ATP12A: variants seen among roughly 807,000 people sequenced by gnomAD.
ATP12A encodes the protein ATPase H+/K+ transporting non-gastric alpha2 subunit.
In ATP12A, 81 loss-of-function variants were observed where a neutral mutation model predicts 111.2. That is an observed-to-expected ratio of 0.73 (90% CI 0.61 to 0.88). The LOEUF is 0.88. Among genes scored for constraint, ATP12A ranks in the 40% least tolerant of loss-of-function variants. ATP12A has a pLI of 0.00. For missense variants in ATP12A, 1,196 were observed against 1,313.1 expected (o/e 0.91, Z 1.38); for synonymous variants, 498 against 499.8 (o/e 1.00, Z 0.05).
chr13:24,693,839 T>A (rs1317591678), intron 10 of ATP12A, among the ~76,000 whole-genome samples: 1 of 152,272 alleles, frequency 6.6e-6, no homozygotes, highest in Non-Finnish European at 1.5e-5. Context: ...TTAGTATTTG[T>A]CAGCAGTACC....
chr13:24,692,723 G>T, intron 9 of ATP12A, 64 bp from the exon 10 acceptor site: 1 of 1,599,656 alleles, frequency 6.3e-7, no homozygotes, highest in South Asian at 1.1e-5. Context: ...GAGGATTGCT[G>T]GACAGTGACT....
intron 14 of ATP12A, among the ~76,000 whole-genome samples, chr13:24,705,233 C>G (rs1489167482): frequency 6.6e-6 from 1 of 152,148 alleles, no homozygotes; most frequent in Non-Finnish European, 1.5e-5. Context: ...GATGCCCATT[C>G]CTGGTCAGGG....
At chr13:24,688,148 A>G (rs17081002) in intron 3 of ATP12A, among the ~76,000 whole-genome samples, 171 bp from the exon 4 acceptor site, 6,478 of 152,252 alleles carry the variant, frequency 0.043, 249 homozygotes, top group East Asian at 0.18. Context: ...TCTTTCAAAA[A>G]AGCTGGGCAG....
intron 3 of ATP12A, among the ~76,000 whole-genome samples, chr13:24,686,820 T>C (rs1032813157): frequency 6.6e-6 from 1 of 151,996 alleles, no homozygotes; most frequent in Non-Finnish European, 1.5e-5. Flanking sequence ...CCAGCAGGAC[T>C]TGCGGGGATT....
chr13:24,692,907 T>G lies in ATP12A; in HGVS notation c.1377+11T>G. On this transcript the variant is annotated intron_variant, in intron 10 of 22. Transcript: ENST00000381946. ...GTCCCCATCATGAAGGTAATGCTTCTGCAGCACTTGGTCTTAAATCACAGC... is the reference window on the plus strand; with the variant it reads ...GTCCCCATCATGAAGGTAATGCTTCGGCAGCACTTGGTCTTAAATCACAGC... 1 of 1,609,590 alleles carries G rather than the reference T, an allele frequency of 6.2e-7. No individual in the cohort carries two copies. The highest frequency in any genetic ancestry group is 8.5e-7 in the Non-Finnish European group (1 of 1,175,920).
chr13:24,688,621 G>A, intron 4 of ATP12A, 99 bp downstream of exon 4: 1 of 1,180,160 alleles, frequency 8.5e-7, no homozygotes, highest in Non-Finnish European at 1.1e-6. Flanking sequence ...CCTAGGTGTG[G>A]GAAAGTCAGG....
chr13:24,685,334 T>C lies in ATP12A; in HGVS notation c.189T>C (p.Asn63=), dbSNP rs778031617. The change falls in exon 3 of 23, where the codon AAT becomes AAC. Residue 63 remains asparagine, a synonymous_variant. Coordinates refer to ENST00000381946, the MANE Select transcript of ATP12A (RefSeq NM_001676.7). This position sits in a 1 kb window ranked among gnomAD's most constrained non-coding sequence, Gnocchi z 5.5. Reference sequence around the variant, plus strand: ...TTCAGGATGACCACAAACTCAGCAATAGGGAATTGGAAGAGAAATATGGCA... The same window carrying C: ...TTCAGGATGACCACAAACTCAGCAACAGGGAATTGGAAGAGAAATATGGCA... ...ELHLDDHKLS[N]RELEEKYGTD... is the part of the protein sequence containing the mutation. 2 of 1,613,834 alleles carry C rather than the reference T, an allele frequency of 1.2e-6. No individual in the cohort carries two copies. The highest frequency in any genetic ancestry group is 1.7e-6 in the Non-Finnish European group (2 of 1,179,952).
At chr13:24,698,516 A>T in intron 11 of ATP12A, 142 bp from the exon 12 acceptor site, 1 of 929,810 alleles carries the variant, frequency 1.1e-6, no homozygotes, top group Non-Finnish European at 1.6e-6. Flanking sequence ...TCTTCGTCTT[A>T]CTTGGCCACA....
At chr13:24,688,731 A>AG (rs1035704797) in intron 4 of ATP12A, among the ~76,000 whole-genome samples, 1 of 152,176 alleles carries the variant, frequency 6.6e-6, no homozygotes, top group African/African-American at 2.4e-5. Flanking sequence ...TGAATTTTTA[A>AG]GGGGGAGAAA....
At chr13:24,695,279 G>A (rs574751006) in intron 11 of ATP12A, among the ~76,000 whole-genome samples, 5 of 152,228 alleles carry the variant, frequency 3.3e-5, no homozygotes, top group Non-Finnish European at 4.4e-5. Context: ...GTTTTCTGGG[G>A]CCAGCCCCTG....
chr13:24,709,591 T>C, intron 18 of ATP12A, 92 bp from the exon 19 acceptor site: 2 of 1,593,382 alleles, frequency 1.3e-6, no homozygotes, highest in Non-Finnish European at 1.7e-6. Context: ...GGGGCCTGGG[T>C]TGGGGAGGGA....
chr13:24,701,132 G>A lies in ATP12A; in HGVS notation c.1881+210G>A, dbSNP rs185280856. Among the ~76,000 whole-genome samples the A allele has an allele frequency of 2.0e-5, 3 of 152,290 alleles. No homozygotes were observed. In the East Asian group the frequency reaches 5.8e-4, roughly 29 times the overall value. On this transcript the variant is annotated intron_variant, in intron 13 of 22. Transcript: ENST00000381946. The stretch of plus-strand genomic sequence containing the variant: ...CTATGTGGAATGAACCACATAAACA[G>A]TAAATGCAATGAGAAGAATCTCCTA...
rs539038127 is a variant in ATP12A at position 24,711,641 on chromosome 13, A to G, written c.*119A>G. ...ATCGTCAAAATTCAGACAAGAGGAA[A>G]TTTTCATGCAGAAAGCTGTATGCAG... On this transcript the variant is annotated 3_prime_UTR_variant, in exon 23 of 23. Transcript: ENST00000381946. The G allele has an allele frequency of 7.1e-7, 1 of 1,407,332 alleles. No individual in the cohort carries two copies. The highest frequency in any genetic ancestry group is 1.3e-5 in the South Asian group (1 of 78,852). 87.2% of individuals were successfully genotyped at this position (1,407,332 alleles called of 1,614,324 possible).
At chr13:24,710,628 G>C (rs1357530680) in intron 20 of ATP12A, 35 bp downstream of exon 20, 1 of 1,613,454 alleles carries the variant, frequency 6.2e-7, no homozygotes, top group African/African-American at 1.3e-5. Flanking sequence ...GGGCAGCCCT[G>C]GGCCTGCCGT....
rs1875922138 is a variant in ATP12A at position 24,710,596 on chromosome 13, A to G, written c.2897+3A>G. On this transcript the variant is annotated splice_donor_region_variant and intron_variant, in intron 20 of 22. Coordinates refer to ENST00000381946, the MANE Select transcript of ATP12A (RefSeq NM_001676.7). ...ATCTTCCAGCAGGGTCTCTTCAGGT[A>G]CTGCCTGTGCCCGGCCTCCTGGGGC... is the stretch of plus-strand genomic sequence containing the variant. The G allele has an allele frequency of 6.2e-7, 1 of 1,614,084 alleles. No homozygotes were observed. The highest frequency in any genetic ancestry group is 8.5e-7 in the Non-Finnish European group (1 of 1,180,014).
intron 14 of ATP12A, chr13:24,704,420 C>T (rs1875527492): frequency 1.3e-5 from 2 of 152,278 alleles, no homozygotes; most frequent in African/African-American, 4.8e-5. Flanking sequence ...GCCTTCCATT[C>T]AAGGATCTTT....
intron 11 of ATP12A, among the ~76,000 whole-genome samples, chr13:24,695,874 G>T (rs2137704499): frequency 6.6e-6 from 1 of 152,284 alleles, no homozygotes; most frequent in Middle Eastern, 3.4e-3. Flanking sequence ...CTCCCAAAGT[G>T]CTGGGATTAC....
At chr13:24,689,485 T>C in intron 5 of ATP12A, 110 bp downstream of exon 5, 4 of 896,088 alleles carry the variant, frequency 4.5e-6, no homozygotes, top group Non-Finnish European at 7.0e-6. Context: ...TCCTTCCCTG[T>C]CGGAGCAATC....
At chr13:24,694,221 T>C (rs1875032437) in intron 10 of ATP12A, among the ~76,000 whole-genome samples, 2 of 152,182 alleles carry the variant, frequency 1.3e-5, no homozygotes, top group Non-Finnish European at 2.9e-5. Flanking sequence ...CCACGAAATC[T>C]TCAGTCCTCG....
Sources: allele counts gnomAD v4.1 joint callset (sites outside exome capture counted in the v4.1 genomes callset), GRCh38; gene constraint gnomAD v4.1.1; non-coding constraint Gnocchi (gnomAD v3.1); transcripts MANE v1.5; gene names NCBI Gene and HGNC (gene_info 2026-07-23, HGNC 2026-07-21).